Variants in KIFC3 observed in about 807,000 individuals in gnomAD.
KIFC3 encodes the protein kinesin-like protein KIFC3.
In KIFC3, 60 loss-of-function variants were observed where a neutral mutation model predicts 101.8. The observed-to-expected ratio is 0.59, with a 90% CI of 0.48 to 0.73. The LOEUF is 0.73. Ranked by LOEUF, KIFC3 falls within the 30% of genes least tolerant of loss-of-function variation. The pLI is 0.00. For missense variants in KIFC3, 966 were observed against 1,137.1 expected, an observed-to-expected ratio of 0.85 and a Z score of 2.16; for synonymous variants, 476 against 482.7, an observed-to-expected ratio of 0.99 and a Z score of 0.18.
chr16:57,769,761 T>G lies in KIFC3; in HGVS notation c.1088-36A>C. ...ACTCGGGCTGTGAGGCGGGAGGGGA[T>G]GAGGGGCCGCGGCGTGGGGCAGACA... On this transcript the variant is annotated intron_variant, in intron 8 of 19. Transcript: ENST00000445690. The surrounding 1 kb of genome is among the most constrained non-coding windows in gnomAD (Gnocchi z 4.3). The G allele has an allele frequency of 2.5e-6, 4 of 1,612,642 alleles. No homozygotes were observed. The highest frequency in any genetic ancestry group is 3.4e-6 in the Non-Finnish European group (4 of 1,179,680).
chr16:57,771,575 C>G lies in KIFC3; in HGVS notation c.493G>C (p.Ala165Pro), dbSNP rs782720527. Residue 165 changes from alanine (A) to proline (P), a missense_variant, in exon 5 of 20, where the codon GCA (alanine) becomes CCA (proline). Around this residue, in one of 2 missense-constraint regions of KIFC3, gnomAD observed 277 missense variants for 252.5 expected, o/e 1.10. Coordinates refer to ENST00000445690, the MANE Select transcript of KIFC3 (RefSeq NM_001130100.2). ...TGCTCACAACCTGGGCAGGGACCTG[C>G]TGGCTTTGTGCGCAGCTCTTGCAGC... Reference protein sequence around the residue: ...AELQELRTKPAGPCPGCEHSQ... With the variant: ...AELQELRTKPPGPCPGCEHSQ... 6.2e-7 allele frequency: 1 copy of G among 1,613,520 alleles called. No individual in the cohort carries two copies. Among genetic ancestry groups the G allele is most frequent in the South Asian group, 1.1e-5 (1 of 91,066 alleles).
chr16:57,818,409 G>A (rs1366550096), intron 1 of KIFC3, among the ~76,000 whole-genome samples: 1 of 152,200 alleles, frequency 6.6e-6, no homozygotes, highest in African/African-American at 2.4e-5. Flanking sequence ...CTGTCACCCA[G>A]GCTGGAGTAC....
intron 3 of KIFC3, chr16:57,776,175 A>C: frequency 1.0e-6 from 1 of 985,486 alleles, no homozygotes; most frequent in Non-Finnish European, 1.2e-6. Context: ...TGCTGAGGAA[A>C]AGCGGGCTCT....
chr16:57,784,203 G>GGCGT (rs2149105236), intron 3 of KIFC3, among the ~76,000 whole-genome samples: 1 of 152,350 alleles, frequency 6.6e-6, no homozygotes, highest in South Asian at 2.1e-4. Flanking sequence ...GTACAAAAGG[G>GGCGT]GCGTGCACAA....
intron 1 of KIFC3, among the ~76,000 whole-genome samples, chr16:57,833,184 T>A (rs781977142): frequency 6.6e-6 from 1 of 150,804 alleles, no homozygotes; most frequent in Non-Finnish European, 1.5e-5. Context: ...GCAGCCTGGG[T>A]GGCAAAGCAA....
intron 1 of KIFC3, among the ~76,000 whole-genome samples, chr16:57,815,169 C>T (rs1045633896): frequency 1.3e-5 from 2 of 152,174 alleles, no homozygotes; most frequent in Non-Finnish European, 2.9e-5. Flanking sequence ...TTGCTTCTCA[C>T]ATCAGCCCTG....
chr16:57,795,233 A>C, intron 2 of KIFC3, 92 bp from the exon 3 acceptor site: 22 of 1,448,240 alleles, frequency 1.5e-5, no homozygotes, highest in East Asian at 2.6e-5. Context: ...AGCTGAGCTC[A>C]GCTTTCACAC....
intron 9 of KIFC3, among the ~76,000 whole-genome samples, chr16:57,768,260 C>T (rs1376184495): frequency 6.6e-6 from 1 of 151,996 alleles, no homozygotes; most frequent in Non-Finnish European, 1.5e-5. Context: ...GCAGGAGGGT[C>T]GCTTGAACCC....
Position 57,770,633 on chromosome 16 carries a change from CG to C in KIFC3, c.832del (p.Arg278GlyfsTer16). Reference protein sequence around the residue: ...TKQALSESQARNQHLQEQVAM... With the variant: ...TKQALSESQAXNQHLQEQVAM... ...CACCTGCTCCTGCAGGTGCTGGTTC[CG>C]GGCCTGGGACTCGCTGAGGGCCTGC... is the stretch of plus-strand genomic sequence containing the variant. On this transcript the variant is annotated frameshift_variant, in exon 7 of 20. Transcript: ENST00000445690. LOFTEE classifies it high-confidence loss of function. The C allele has an allele frequency of 6.4e-7, 1 of 1,553,734 alleles. No homozygotes were observed. Among genetic ancestry groups the C allele is most frequent in the Non-Finnish European group, 8.7e-7 (1 of 1,148,934 alleles).
At chr16:57,840,347 C>T (rs539441093) in intron 1 of KIFC3, among the ~76,000 whole-genome samples, 261 of 151,938 alleles carry the variant, frequency 1.7e-3, no homozygotes, top group African/African-American at 5.7e-3. Flanking sequence ...CGAAAACAAA[C>T]AAAAACCTAG....
At chr16:57,815,476 C>A in intron 1 of KIFC3, 1 of 1,224,904 alleles carries the variant, frequency 8.2e-7, no homozygotes, top group Non-Finnish European at 1.0e-6. Context: ...AAGACTCTGC[C>A]CATCACCCCC....
chr16:57,760,996 C>A (rs1555596395), intron 15 of KIFC3, 41 bp from the exon 16 acceptor site: 1 of 1,603,360 alleles, frequency 6.2e-7, no homozygotes, highest in Non-Finnish European at 8.5e-7. Flanking sequence ...TGCCCTGCCC[C>A]TTGGGGTTGT....
chr16:57,766,188 C>T (rs1032290580), intron 10 of KIFC3, among the ~76,000 whole-genome samples: 14 of 152,170 alleles, frequency 9.2e-5, no homozygotes, highest in African/African-American at 3.1e-4. Flanking sequence ...TGTTGGGATC[C>T]CTGTGCTCTT....
chr16:57,771,512 C>G, intron 5 of KIFC3, 31 bp downstream of exon 5: 1 of 1,609,920 alleles, frequency 6.2e-7, no homozygotes, highest in Non-Finnish European at 8.5e-7. Context: ...CCCTCCAGGA[C>G]CAGCATGGGG....
chr16:57,795,614 A>G (rs895109609), intron 2 of KIFC3, among the ~76,000 whole-genome samples: 1 of 152,148 alleles, frequency 6.6e-6, no homozygotes, highest in Non-Finnish European at 1.5e-5. Context: ...TGCCTCCCCA[A>G]GCGTATTCAG....
At chr16:57,787,104 G>T (rs1174764257) in intron 3 of KIFC3, among the ~76,000 whole-genome samples, 1 of 152,224 alleles carries the variant, frequency 6.6e-6, no homozygotes, top group East Asian at 1.9e-4. Flanking sequence ...GAGATCAGAC[G>T]GATGCTTCCA....
intron 9 of KIFC3, among the ~76,000 whole-genome samples, chr16:57,768,509 TCACA>T (rs61591593): frequency 1.6e-4 from 22 of 139,128 alleles, no homozygotes; most frequent in South Asian, 9.4e-4. Context: ...CCATATATTC[TCACA>T]CACACACACA....
chr16:57,765,590 CCCCATCCTCTT>C lies in KIFC3; in HGVS notation c.1370_1380del (p.Lys457ArgfsTer4). 6.2e-7 allele frequency: 1 copy of C among 1,611,358 alleles called. No individual in the cohort carries two copies. Among genetic ancestry groups the C allele is most frequent in the Non-Finnish European group, 8.5e-7 (1 of 1,178,792 alleles). ...ACAGCATTGGTGGCCTCAGGTCCTT[CCCCATCCTCTT>C]TGGTGACTGGCCGGACACGAGCAAT... On this transcript the variant is annotated frameshift_variant, in exon 11 of 20. Coordinates refer to ENST00000445690, the MANE Select transcript of KIFC3 (RefSeq NM_001130100.2). LOFTEE classifies it high-confidence loss of function.
Position 57,769,753 on chromosome 16 carries a change from G to A in KIFC3, c.1088-28C>T, listed in dbSNP as rs1266481222. ...ATGGGGACACTCGGGCTGTGAGGCG[G>A]GAGGGGATGAGGGGCCGCGGCGTGG... On this transcript the variant is annotated intron_variant, in intron 8 of 19. Coordinates refer to ENST00000445690, the MANE Select transcript of KIFC3 (RefSeq NM_001130100.2). The surrounding 1 kb of genome is among the most constrained non-coding windows in gnomAD (Gnocchi z 4.3). The A allele has an allele frequency of 5.6e-6, 9 of 1,612,690 alleles. No individual in the cohort carries two copies. Among genetic ancestry groups the A allele is most frequent in the Admixed American group, 3.3e-5 (2 of 59,982 alleles).
Sources: allele counts gnomAD v4.1 joint callset (sites outside exome capture counted in the v4.1 genomes callset), GRCh38; gene constraint gnomAD v4.1.1; regional missense constraint gnomAD v4.1.1; non-coding constraint Gnocchi (gnomAD v3.1); transcripts MANE v1.5; gene names NCBI Gene and HGNC (gene_info 2026-07-23, HGNC 2026-07-21).